Variants in PTPN13 observed in about 807,000 individuals in gnomAD.
PTPN13 encodes the protein tyrosine-protein phosphatase non-receptor type 13.
PTPN13 carries 191 observed loss-of-function variants against 284.0 expected under a neutral mutation model. The observed-to-expected ratio is 0.67, with a 90% confidence interval of 0.60 to 0.76. The LOEUF is 0.76. PTPN13 is among the 30% of genes least tolerant of loss of function. PTPN13 has a pLI of 0.00. For synonymous variants in PTPN13, 986 were observed against 1,022.3 expected (o/e 0.96, Z 0.68); for missense variants, 2,797 against 2,939.9 (o/e 0.95, Z 1.12).
At position 86,650,966 on chromosome 4, in the gene PTPN13, G is replaced by A. The variant is rs528368455; in HGVS notation, c.115+15595G>A. Among the ~76,000 whole-genome samples, 12 of 152,240 alleles carry A rather than the reference G, an allele frequency of 7.9e-5. No homozygotes were observed. In the South Asian group the frequency reaches 8.3e-4, roughly 11 times the overall value. ...ACTTCTAGTTTTATTTTGAATAAAA[G>A]TGGAAGTAGACATCCTTACCTTGTT... is the stretch of plus-strand genomic sequence containing the variant. On this transcript the variant is annotated intron_variant, in intron 2 of 47. Coordinates refer to ENST00000411767, the MANE Select transcript of PTPN13 (RefSeq NM_080683.3).
At chr4:86,674,904 T>C (rs777569201) in intron 3 of PTPN13, among the ~76,000 whole-genome samples, 3 of 152,202 alleles carry the variant, frequency 2.0e-5, no homozygotes, top group Non-Finnish European at 2.9e-5. Flanking sequence ...CATTTAATAA[T>C]ATTTTTAAAA....
intron 5 of PTPN13, 90 bp from the exon 6 acceptor site, chr4:86,693,497 T>G: frequency 1.4e-6 from 1 of 699,682 alleles, no homozygotes; most frequent in South Asian, 2.7e-5. Flanking sequence ...CTCCAAAAAC[T>G]GTGTAACTAG....
At chr4:86,629,458 G>A (rs568216065) in intron 1 of PTPN13, among the ~76,000 whole-genome samples, 4 of 151,990 alleles carry the variant, frequency 2.6e-5, no homozygotes, top group Admixed American at 6.6e-5. Flanking sequence ...ACAGGTGCTG[G>A]AGAGGATGTG....
At chr4:86,681,089 A>G (rs780656416) in intron 3 of PTPN13, among the ~76,000 whole-genome samples, 4 of 152,176 alleles carry the variant, frequency 2.6e-5, no homozygotes, top group Non-Finnish European at 5.9e-5. Flanking sequence ...TCTATACAGA[A>G]TATTAAGAGC....
At chr4:86,611,994 A>G (rs1719948302) in intron 1 of PTPN13, among the ~76,000 whole-genome samples, 1 of 152,238 alleles carries the variant, frequency 6.6e-6, no homozygotes, top group Non-Finnish European at 1.5e-5. Context: ...GCAAATGCTC[A>G]AGATGTATGA....
intron 16 of PTPN13, 101 bp downstream of exon 16, chr4:86,741,917 G>A: frequency 3.2e-6 from 3 of 941,296 alleles, no homozygotes; most frequent in Non-Finnish European, 4.7e-6. Flanking sequence ...CATTCAGTGG[G>A]GATAATACAT....
chr4:86,684,337 C>G (rs980638), intron 3 of PTPN13, among the ~76,000 whole-genome samples: 1 of 151,852 alleles, frequency 6.6e-6, no homozygotes, highest in Non-Finnish European at 1.5e-5. Context: ...GAACAGCTCA[C>G]GAAAAGCTGA....
intron 1 of PTPN13, among the ~76,000 whole-genome samples, chr4:86,630,375 A>C (rs1722341667): frequency 6.6e-6 from 1 of 152,166 alleles, no homozygotes; most frequent in African/African-American, 2.4e-5. Context: ...GTATGTTTTA[A>C]AATACAAGCC....
At chr4:86,728,443 G>A (rs1465939029) in intron 10 of PTPN13, among the ~76,000 whole-genome samples, 2 of 148,236 alleles carry the variant, frequency 1.3e-5, no homozygotes, top group Non-Finnish European at 3.0e-5. Flanking sequence ...TATTGTGTGG[G>A]AGTCTAAGTC....
chr4:86,806,302 C>T (rs1007965399), intron 44 of PTPN13, among the ~76,000 whole-genome samples: 26 of 151,470 alleles, frequency 1.7e-4, no homozygotes, highest in Admixed American at 1.4e-3. Context: ...TTATAATTAC[C>T]AGCCACATGT....
intron 2 of PTPN13, among the ~76,000 whole-genome samples, chr4:86,640,231 A>C (rs1247055903): frequency 6.6e-6 from 1 of 152,214 alleles, no homozygotes; most frequent in African/African-American, 2.4e-5. Flanking sequence ...TATTCATTTA[A>C]TCTAATATCA....
chr4:86,780,464 A>G lies in PTPN13; in HGVS notation c.5954A>G (p.Lys1985Arg). The change falls in exon 36 of 48, where the codon AAA (lysine) becomes AGA (arginine). Residue 1985 changes from lysine (K) to arginine (R), a missense_variant. By Grantham distance (26) the Lys-to-Arg change is conservative. Transcript: ENST00000411767. The stretch of plus-strand genomic sequence containing the variant: ...GCTGTTTCAGCTCCAAAGTCAACCA[A>G]AGGCAATGGTAAGGATATATTCATT... Reference protein sequence around the residue: ...RSAVSAPKSTKGNGSYSVGSC... With the variant: ...RSAVSAPKSTRGNGSYSVGSC... 6.3e-7 allele frequency: 1 copy of G among 1,599,468 alleles called. No individual in the cohort carries two copies. The highest frequency in any genetic ancestry group is 2.2e-5 in the East Asian group (1 of 44,782).
intron 2 of PTPN13, among the ~76,000 whole-genome samples, chr4:86,643,526 AAATC>A (rs1211145203): frequency 6.6e-6 from 1 of 152,206 alleles, no homozygotes; most frequent in African/African-American, 2.4e-5. Context: ...ATTAGGGAAT[AAATC>A]TGTTAAATAA....
chr4:86,748,729 C>T (rs1737055964), intron 17 of PTPN13, among the ~76,000 whole-genome samples: 2 of 152,098 alleles, frequency 1.3e-5, no homozygotes, highest in Admixed American at 6.5e-5. Flanking sequence ...GATCTCAGCT[C>T]ACTGCAAGCT....
At chr4:86,797,279 G>A (rs536353126) in intron 41 of PTPN13, among the ~76,000 whole-genome samples, 1 of 152,120 alleles carries the variant, frequency 6.6e-6, no homozygotes, top group East Asian at 1.9e-4. Context: ...ATCACTTGAG[G>A]CCAGGAGTTG....
intron 4 of PTPN13, among the ~76,000 whole-genome samples, 159 bp downstream of exon 4, chr4:86,686,934 G>C (rs139895927): frequency 1.4e-3 from 211 of 152,258 alleles, no homozygotes; most frequent in African/African-American, 4.8e-3. Flanking sequence ...CATACTTTCA[G>C]GATGAACTTT....
intron 1 of PTPN13, among the ~76,000 whole-genome samples, chr4:86,597,435 C>T (rs1565108178): frequency 6.6e-6 from 1 of 152,026 alleles, no homozygotes. Flanking sequence ...TAAATAGAGA[C>T]AATGTCTCGC....
chr4:86,810,961 T>C (rs1745151913), intron 46 of PTPN13, 85 bp from the exon 47 acceptor site: 2 of 1,329,046 alleles, frequency 1.5e-6, no homozygotes, highest in Non-Finnish European at 2.1e-6. Context: ...TACAGAATTT[T>C]ACATAAGCCT....
intron 10 of PTPN13, among the ~76,000 whole-genome samples, chr4:86,723,147 C>T (rs1243679667): frequency 2.0e-5 from 3 of 152,034 alleles, no homozygotes; most frequent in Admixed American, 6.6e-5. Context: ...TTATAAAATA[C>T]TTTATTATGT....
Sources: allele counts gnomAD v4.1 joint callset (sites outside exome capture counted in the v4.1 genomes callset), GRCh38; gene constraint gnomAD v4.1.1; transcripts MANE v1.5; gene names NCBI Gene and HGNC (gene_info 2026-07-23, HGNC 2026-07-21).